The following CACNB2 variants were observed in gnomAD, a reference collection of about 807,000 sequenced individuals.
CACNB2 encodes the protein calcium voltage-gated channel auxiliary subunit beta 2.
Under a neutral mutation model 73.3 loss-of-function variants are expected in CACNB2, and 42 were observed. The ratio of observed to expected loss-of-function variants is 0.57; its 90% CI spans 0.45 to 0.74. CACNB2 has a LOEUF of 0.74. Ranked by LOEUF, CACNB2 falls within the 30% of genes least tolerant of loss-of-function variation. The pLI is 0.00. For synonymous variants in CACNB2, 348 were observed against 310.3 expected, an observed-to-expected ratio of 1.12 and a Z score of -1.28; for missense variants, 940 against 853.0, an observed-to-expected ratio of 1.10 and a Z score of -1.27.
chr10:18,230,422 A>T (rs1247188902), intron 2 of CACNB2, among the ~76,000 whole-genome samples: 1 of 152,202 alleles, frequency 6.6e-6, no homozygotes, highest in Non-Finnish European at 1.5e-5. Flanking sequence ...ATAAATTCAT[A>T]TGGGGAAAAG....
chr10:18,454,188 G>C (rs1323960192), intron 3 of CACNB2, among the ~76,000 whole-genome samples: 1 of 152,166 alleles, frequency 6.6e-6, no homozygotes, highest in Non-Finnish European at 1.5e-5. Flanking sequence ...CTGTCCCTTA[G>C]GAACATTCAG....
intron 1 of CACNB2, among the ~76,000 whole-genome samples, chr10:18,145,413 A>AT (rs5783585): frequency 1.7e-4 from 25 of 149,938 alleles, no homozygotes; most frequent in Middle Eastern, 3.4e-3. Flanking sequence ...CTTGAATGGT[A>AT]TTTTTTTTTT....
chr10:18,441,809 A>G (rs2046422751), intron 3 of CACNB2, among the ~76,000 whole-genome samples: 2 of 151,978 alleles, frequency 1.3e-5, no homozygotes, highest in African/African-American at 4.8e-5. Context: ...TAATTTTTAT[A>G]TTTTTAATAG....
At chr10:18,443,867 G>A (rs982242256) in intron 3 of CACNB2, among the ~76,000 whole-genome samples, 6 of 152,010 alleles carry the variant, frequency 3.9e-5, no homozygotes, top group South Asian at 2.1e-4. Flanking sequence ...GGTGCCTGCC[G>A]CCACACCTAG....
intron 2 of CACNB2, among the ~76,000 whole-genome samples, chr10:18,376,880 C>T (rs1217815881): frequency 6.6e-6 from 1 of 152,072 alleles, no homozygotes; most frequent in Non-Finnish European, 1.5e-5. Flanking sequence ...TAGGCTGATG[C>T]CCTTTGGATT....
At chr10:18,325,703 C>A (rs2040564234) in intron 2 of CACNB2, among the ~76,000 whole-genome samples, 3 of 131,496 alleles carry the variant, frequency 2.3e-5, no homozygotes, top group African/African-American at 8.6e-5. Flanking sequence ...TCCTTCCTTC[C>A]TTCCTTCCTT....
intron 2 of CACNB2, among the ~76,000 whole-genome samples, chr10:18,319,570 A>G (rs964321228): frequency 1.3e-5 from 2 of 152,180 alleles, no homozygotes; most frequent in African/African-American, 4.8e-5. Context: ...CCTATGTAAC[A>G]AACGTGTACA....
chr10:18,468,058 T>A (rs2047992267), intron 3 of CACNB2, among the ~76,000 whole-genome samples: 1 of 152,166 alleles, frequency 6.6e-6, no homozygotes, highest in South Asian at 2.1e-4. Flanking sequence ...TTAAAATTAG[T>A]AAACAGCATA....
At chr10:18,379,910 C>G (rs1310335125) in intron 2 of CACNB2, among the ~76,000 whole-genome samples, 4 of 152,150 alleles carry the variant, frequency 2.6e-5, no homozygotes, top group Non-Finnish European at 5.9e-5. Flanking sequence ...TGGTCTCAGA[C>G]TCCTGGGCTC....
intron 2 of CACNB2, among the ~76,000 whole-genome samples, chr10:18,324,945 G>A (rs1027063886): frequency 2.6e-5 from 4 of 152,154 alleles, no homozygotes; most frequent in African/African-American, 7.2e-5. Context: ...TCACTCTTAC[G>A]CCATGAAAGA....
Position 18,269,256 on chromosome 10 carries a change from C to T in CACNB2, c.213+118281C>T, listed in dbSNP as rs188047074. Among the ~76,000 whole-genome samples the T allele has an allele frequency of 3.8e-3, 571 of 152,220 alleles. 2 individuals carry two copies. Among genetic ancestry groups the T allele is most frequent in the African/African-American group, 0.013 (544 of 41,550 alleles). Reference sequence around the variant, plus strand: ...TGTGCTAGCCTACTGAATTATCATCCGTCACTAAAGATACACACAACTCAT... The same window carrying T: ...TGTGCTAGCCTACTGAATTATCATCTGTCACTAAAGATACACACAACTCAT... On this transcript the variant is annotated intron_variant, in intron 2 of 13. Transcript: ENST00000324631.
intron 2 of CACNB2, among the ~76,000 whole-genome samples, chr10:18,376,835 G>T (rs191956237): frequency 3.8e-4 from 58 of 152,296 alleles, no homozygotes; most frequent in Non-Finnish European, 7.5e-4. Flanking sequence ...GCTGGGAGAT[G>T]TTATTTGGTT....
intron 3 of CACNB2, among the ~76,000 whole-genome samples, chr10:18,449,939 C>A (rs563591821): frequency 1.7e-3 from 265 of 152,298 alleles, no homozygotes; most frequent in Non-Finnish European, 2.4e-3. Context: ...GGCTCAGGGC[C>A]CATGAAGGGC....
At chr10:18,317,279 G>T (rs1351320240) in intron 2 of CACNB2, among the ~76,000 whole-genome samples, 1 of 151,696 alleles carries the variant, frequency 6.6e-6, no homozygotes, top group Admixed American at 6.6e-5. Flanking sequence ...GGGGGTTACA[G>T]ATGCAGATTT....
chr10:18,247,106 C>A (rs930460453), intron 2 of CACNB2, among the ~76,000 whole-genome samples: 2 of 152,168 alleles, frequency 1.3e-5, no homozygotes, highest in Admixed American at 1.3e-4. Flanking sequence ...AATGACATCA[C>A]CTCGACACGT....
At chr10:18,175,956 G>A (rs1390134027) in intron 2 of CACNB2, among the ~76,000 whole-genome samples, 1 of 152,158 alleles carries the variant, frequency 6.6e-6, no homozygotes, top group East Asian at 1.9e-4. Flanking sequence ...TCAATAGAAA[G>A]AAAGCCCATT....
chr10:18,148,708 C>T (rs887250638), intron 1 of CACNB2, among the ~76,000 whole-genome samples: 3 of 152,070 alleles, frequency 2.0e-5, no homozygotes, highest in Non-Finnish European at 4.4e-5. Context: ...AAAAACGGTA[C>T]TGGAGGCTGG....
intron 3 of CACNB2, among the ~76,000 whole-genome samples, chr10:18,478,450 TG>T (rs1382827382): frequency 6.6e-6 from 1 of 152,246 alleles, no homozygotes; most frequent in Non-Finnish European, 1.5e-5. Context: ...ATGTATAGAA[TG>T]GTGGTGTCAC....
Position 18,539,331 on chromosome 10 carries a change from C to G in CACNB2, c.1590C>G (p.His530Gln). The G allele has an allele frequency of 1.2e-6, 2 of 1,613,988 alleles. No individual in the cohort carries two copies. The highest frequency in any genetic ancestry group is 1.7e-6 in the Non-Finnish European group (2 of 1,180,006). Residue 530 changes from histidine to glutamine, a missense_variant, in exon 14 of 14, where the codon CAC (histidine) becomes CAG (glutamine). By Grantham distance (24) the His-to-Gln change is conservative. Transcript: ENST00000324631. ...TGGAACCAGTCAAGAAATCCCAGCA[C>G]CGCTCTTCCTCCTCAGCCCCACACC... ...PSVEPVKKSQ[H>Q]RSSSSAPHHN... is the part of the protein sequence containing the mutation.
Sources: gnomAD v4.1 joint callset for allele counts (sites outside exome capture counted in the v4.1 genomes callset) on GRCh38, gnomAD v4.1.1 for gene constraint, MANE v1.5 for transcripts, NCBI Gene and HGNC (gene_info 2026-07-23, HGNC 2026-07-21) for gene names.